The following SRRD variants were observed in gnomAD, a reference collection of about 807,000 sequenced individuals.
The protein encoded by SRRD is SRR1 domain containing.
SRRD carries 28 observed loss-of-function variants against 30.7 expected under a neutral mutation model. The observed-to-expected ratio is 0.91, with a 90% confidence interval of 0.68 to 1.25. The LOEUF (loss-of-function observed/expected upper bound fraction) is 1.25. SRRD is among the 50% of genes most tolerant of loss of function. The pLI is 0.00. For missense variants in SRRD, 415 were observed against 417.3 expected (o/e 0.99, Z 0.05); for synonymous variants, 161 against 159.6 (o/e 1.01, Z -0.07).
Position 26,486,035 on chromosome 22 carries a change from T to C in SRRD, c.222T>C (p.Phe74=), listed in dbSNP as rs1222665283. ...TTTTTCTCAACAGGAAGGACCTGTT[T>C]ATCTCTGATTTCTGGAGTTCAGCAC... ...RRIWEAEKDL[F]ISDFWSSALE... is the part of the protein sequence containing the mutation. Residue 74 remains phenylalanine (F), a synonymous_variant, in exon 2 of 7, where the codon TTT becomes TTC. Transcript: ENST00000215917. The C allele has an allele frequency of 6.2e-7, 1 of 1,614,248 alleles. No homozygotes were observed. The highest frequency in any genetic ancestry group is 8.5e-7 in the Non-Finnish European group (1 of 1,180,034).
In SRRD at chr22:26,492,030, T is replaced by C; in HGVS notation, c.*358T>C. The C allele has an allele frequency of 6.2e-7, 1 of 1,600,784 alleles. No homozygotes were observed. The highest frequency in any genetic ancestry group is 8.5e-7 in the Non-Finnish European group (1 of 1,173,704). ...GCCACAGTTCACTTGGCCATGTCGA[T>C]CAGGCTCTGCAGTGAGGTGGGCACC... On this transcript the variant is annotated 3_prime_UTR_variant, in exon 7 of 7. Coordinates refer to ENST00000215917, the MANE Select transcript of SRRD (RefSeq NM_001013694.3).
chr22:26,484,208 T>A, intron 1 of SRRD, 109 bp downstream of exon 1: 1 of 1,159,802 alleles, frequency 8.6e-7, no homozygotes, highest in Non-Finnish European at 1.2e-6. Flanking sequence ...TAAGGAGTTA[T>A]TGTGAAGAGT....
intron 1 of SRRD, among the ~76,000 whole-genome samples, chr22:26,485,658 T>C (rs906089692): frequency 2.6e-5 from 4 of 152,236 alleles, no homozygotes; most frequent in Admixed American, 6.5e-5. Context: ...GGAATGATTT[T>C]TATCCCCATT....
chr22:26,494,056 A>C lies in SRRD; in HGVS notation c.*2384A>C, dbSNP rs777734839. 1.0e-4 allele frequency: 156 copies of C among 1,526,280 alleles called. No individual in the cohort carries two copies. The highest frequency in any genetic ancestry group is 1.3e-4 in the Non-Finnish European group (151 of 1,120,198). 94.5% of individuals were successfully genotyped at this position (1,526,280 alleles called of 1,614,324 possible). ...AAGGTTTAGGCTGCCTACAGGAACCAGAAAACTCTGATTCTGTGTCATTTA... is the reference window on the plus strand; with the variant it reads ...AAGGTTTAGGCTGCCTACAGGAACCCGAAAACTCTGATTCTGTGTCATTTA... On this transcript the variant is annotated 3_prime_UTR_variant, in exon 7 of 7. Coordinates refer to ENST00000215917, the MANE Select transcript of SRRD (RefSeq NM_001013694.3).
chr22:26,492,162 T>C lies in SRRD; in HGVS notation c.*490T>C. The C allele has an allele frequency of 6.2e-7, 1 of 1,614,220 alleles. No individual in the cohort carries two copies. The highest frequency in any genetic ancestry group is 8.5e-7 in the Non-Finnish European group (1 of 1,180,038). On this transcript the variant is annotated 3_prime_UTR_variant, in exon 7 of 7. Transcript: ENST00000215917. ...TCGTGTCGCTTCCCAATGACGGGCATGAAGACAATGTTGTGCTCCTCAGCC... is the reference window on the plus strand; with the variant it reads ...TCGTGTCGCTTCCCAATGACGGGCACGAAGACAATGTTGTGCTCCTCAGCC...
chr22:26,491,753 C>G lies in SRRD; in HGVS notation c.*81C>G. 1.6e-6 allele frequency: 2 copies of G among 1,289,232 alleles called. No homozygotes were observed. The highest frequency in any genetic ancestry group is 2.2e-6 in the Non-Finnish European group (2 of 930,052). 79.9% of individuals were successfully genotyped at this position (1,289,232 alleles called of 1,614,324 possible). On this transcript the variant is annotated 3_prime_UTR_variant, in exon 7 of 7. Transcript: ENST00000215917. Reference sequence around the variant, plus strand: ...AGGGAAGGCTGCTATGGAGGAACTACAGAGAACTCCTTTGCCAGGAAAGAA... The same window carrying G: ...AGGGAAGGCTGCTATGGAGGAACTAGAGAGAACTCCTTTGCCAGGAAAGAA...
At position 26,488,109 on chromosome 22, in the gene SRRD, C is replaced by G. The variant is rs2091721897; in HGVS notation, c.331C>G (p.Leu111Val). The part of the protein sequence containing the change: ...VGTLSDIFGN[L>V]HLDSLPEESD... ...GACTCTTTCAGACATCTTTGGAAAC[C>G]TGCATCTTGACTCATTGCCAGAGGA... The change falls in exon 3 of 7, where the codon CTG (leucine) becomes GTG (valine). Residue 111 changes from leucine (L) to valine (V), a missense_variant. Coordinates refer to ENST00000215917, the MANE Select transcript of SRRD (RefSeq NM_001013694.3). 6.2e-7 allele frequency: 1 copy of G among 1,614,176 alleles called. No individual in the cohort carries two copies. Among genetic ancestry groups the G allele is most frequent in the Non-Finnish European group, 8.5e-7 (1 of 1,180,030 alleles).
At position 26,492,786 on chromosome 22, in the gene SRRD, A is replaced by C. The variant is rs1416244302; in HGVS notation, c.*1114A>C. ...CTGGCTTTATTTTTAACCTACCCAC[A>C]CAGGGCCCCCATCCTGAAAGAAGTT... is the stretch of plus-strand genomic sequence containing the variant. On this transcript the variant is annotated 3_prime_UTR_variant, in exon 7 of 7. Transcript: ENST00000215917. 1.1e-5 allele frequency: 2 copies of C among 187,180 alleles called. No individual in the cohort carries two copies. Among genetic ancestry groups the C allele is most frequent in the East Asian group, 2.6e-4 (2 of 7,800 alleles). 11.6% of individuals were successfully genotyped at this position (187,180 alleles called of 1,614,324 possible). A position where few individuals can be genotyped will look rare whatever the true frequency, so the allele number is the denominator to read the frequency against.
chr22:26,490,845 C>T, intron 5 of SRRD, 180 bp from the exon 6 acceptor site: 1 of 591,660 alleles, frequency 1.7e-6, no homozygotes, highest in Non-Finnish European at 2.9e-6. Flanking sequence ...ATTACCTGCG[C>T]CTGGCCCACA....
Position 26,493,820 on chromosome 22 carries a change from G to T in SRRD, c.*2148G>T. ...TGCGTCACCTAAGCAGCATGCTCAG[G>T]CATGAATGAGCCTTAAAAGGCCACA... is the stretch of plus-strand genomic sequence containing the variant. On this transcript the variant is annotated 3_prime_UTR_variant, in exon 7 of 7. Transcript: ENST00000215917. The T allele has an allele frequency of 3.2e-6, 1 of 308,066 alleles. No homozygotes were observed. Among genetic ancestry groups the T allele is most frequent in the Non-Finnish European group, 6.3e-6 (1 of 159,980 alleles). The allele number at this position is 308,066 out of a possible 1,614,324, so 19.1% of individuals were successfully genotyped here. A position where few individuals can be genotyped will look rare whatever the true frequency, so the allele number is the denominator to read the frequency against.
intron 2 of SRRD, 163 bp from the exon 3 acceptor site, chr22:26,487,866 T>C (rs903252353): frequency 7.0e-6 from 5 of 717,490 alleles, no homozygotes; most frequent in African/African-American, 1.8e-5. Flanking sequence ...TGTCCAGGCA[T>C]GTTTGGGAAT....
intron 4 of SRRD, 111 bp from the exon 5 acceptor site, chr22:26,489,933 C>A: frequency 7.9e-7 from 1 of 1,268,590 alleles, no homozygotes; most frequent in South Asian, 1.4e-5. Flanking sequence ...AGCTTTTTTC[C>A]TTTTGATCCT....
chr22:26,487,388 C>G (rs907254187), intron 2 of SRRD, among the ~76,000 whole-genome samples: 1 of 152,166 alleles, frequency 6.6e-6, no homozygotes, highest in Non-Finnish European at 1.5e-5. Flanking sequence ...GAGATGGAGT[C>G]TTGCTCTGTT....
rs1024158321 is a variant in SRRD, at chr22:26,491,600, AC to A, written c.950del (p.Pro317GlnfsTer42). 6.2e-7 allele frequency: 1 copy of A among 1,614,076 alleles called. No homozygotes were observed. The highest frequency in any genetic ancestry group is 8.5e-7 in the Non-Finnish European group (1 of 1,180,050). ...SIDIWEFREE[P>X]DYQDCEDLEI... ...TAGATATTTGGGAGTTTCGGGAAGA[AC>A]CAGATTATCAGGACTGTGAGGACCT... On this transcript the variant is annotated frameshift_variant, in exon 7 of 7. Transcript: ENST00000215917. LOFTEE classifies it high-confidence loss of function.
chr22:26,490,559 C>CCTTTTTTTTTTTTT (rs1182177256), intron 5 of SRRD, among the ~76,000 whole-genome samples: 3 of 51,834 alleles, frequency 5.8e-5, no homozygotes, highest in Non-Finnish European at 1.0e-4. Context: ...GGAATATTTG[C>CCTTTTTTTTTTTTT]TTTTTTTTTT....
At chr22:26,490,233 T>C (rs780580986) in intron 5 of SRRD, 35 bp downstream of exon 5, 6 of 1,611,902 alleles carry the variant, frequency 3.7e-6, no homozygotes, top group East Asian at 2.2e-5. Context: ...TGTCAGGCCC[T>C]GAGGTGAAGC....
chr22:26,491,870 A>G lies in SRRD; in HGVS notation c.*198A>G, dbSNP rs1921233823. On this transcript the variant is annotated 3_prime_UTR_variant, in exon 7 of 7. Transcript: ENST00000215917. ...CCTACGTGGCATTGTCCCATTTTACATCCTTCCCTCATGACCTGGCCTGAT... is the reference window on the plus strand; with the variant it reads ...CCTACGTGGCATTGTCCCATTTTACGTCCTTCCCTCATGACCTGGCCTGAT... 10 of 993,156 alleles carry G rather than the reference A, an allele frequency of 1.0e-5. No individual in the cohort carries two copies. Among genetic ancestry groups the G allele is most frequent in the Non-Finnish European group, 1.5e-5 (10 of 686,596 alleles). The allele number at this position is 993,156 out of a possible 1,614,324, so 61.5% of individuals were successfully genotyped here.
At position 26,491,901 on chromosome 22, in the gene SRRD, G is replaced by T; in HGVS notation, c.*229G>T. ...CCCTCATGACCTGGCCTGATGTGGAGTAGCTCCTGAGTAAAGAAGTTACCC... is the reference window on the plus strand; with the variant it reads ...CCCTCATGACCTGGCCTGATGTGGATTAGCTCCTGAGTAAAGAAGTTACCC... On this transcript the variant is annotated 3_prime_UTR_variant, in exon 7 of 7. Transcript: ENST00000215917. 2 of 1,135,678 alleles carry T rather than the reference G, an allele frequency of 1.8e-6. No individual in the cohort carries two copies. Among genetic ancestry groups the T allele is most frequent in the Non-Finnish European group, 2.5e-6 (2 of 804,950 alleles). The allele number at this position is 1,135,678 out of a possible 1,614,324, so 70.4% of individuals were successfully genotyped here.
In SRRD at chr22:26,491,030, T is replaced by G; in HGVS notation, c.770T>G (p.Leu257Trp). The G allele has an allele frequency of 2.5e-6, 4 of 1,612,348 alleles. No homozygotes were observed. Among genetic ancestry groups the G allele is most frequent in the Non-Finnish European group, 3.4e-6 (4 of 1,179,518 alleles). The stretch of plus-strand genomic sequence containing the variant: ...TGGTTTTTTTTAATTTCTAGGTTGT[T>G]GGCAAGGATTCTGCAGAAAAATTAT... ...NSFKGLEERL[L>W]ARILQKNYPY... Residue 257 changes from leucine to tryptophan, a missense_variant, in exon 6 of 7, where the codon TTG becomes TGG. Leu to Trp is a moderately conservative substitution (Grantham distance 61). Coordinates refer to ENST00000215917, the MANE Select transcript of SRRD (RefSeq NM_001013694.3).
Sources: allele counts gnomAD v4.1 joint callset (sites outside exome capture counted in the v4.1 genomes callset), GRCh38; gene constraint gnomAD v4.1.1; transcripts MANE v1.5; gene names NCBI Gene and HGNC (gene_info 2026-07-23, HGNC 2026-07-21).